The following KCNH1 variants were observed in gnomAD, a reference collection of about 807,000 sequenced individuals.
KCNH1 encodes voltage-gated delayed rectifier potassium channel KCNH1.
In KCNH1, 27 loss-of-function variants were observed where a neutral mutation model predicts 69.2. That is an observed-to-expected ratio of 0.39 (90% confidence interval 0.29 to 0.54). KCNH1 has a LOEUF of 0.54. Ranked by LOEUF, KCNH1 falls within the 20% of genes least tolerant of loss-of-function variation. The probability of loss-of-function intolerance (pLI) is 0.68; values close to 1 mark genes in which losing one functional copy is unlikely to be tolerated. For missense variants in KCNH1, 798 were observed against 1,261.6 expected (o/e 0.63, Z 5.57); for synonymous variants, 456 against 487.7 (o/e 0.93, Z 0.86).
intron 7 of KCNH1, among the ~76,000 whole-genome samples, chr1:210,916,464 G>T (rs991208577): frequency 4.6e-5 from 7 of 152,122 alleles, no homozygotes; most frequent in Admixed American, 3.3e-4. Flanking sequence ...CAAAGAAAAA[G>T]TTTCCACTGC....
intron 10 of KCNH1, among the ~76,000 whole-genome samples, chr1:210,729,876 T>C (rs1682701850): frequency 6.6e-6 from 1 of 152,216 alleles, no homozygotes; most frequent in Admixed American, 6.5e-5. Context: ...GCTGTAGCTT[T>C]TGCCATATCA....
At chr1:210,699,754 T>A (rs1187599690) in intron 10 of KCNH1, among the ~76,000 whole-genome samples, 3 of 152,224 alleles carry the variant, frequency 2.0e-5, no homozygotes, top group Non-Finnish European at 4.4e-5. Flanking sequence ...GAGTAAAGAA[T>A]AATAAAAAGT....
intron 6 of KCNH1, among the ~76,000 whole-genome samples, chr1:211,012,118 TACTC>T (rs1261471978): frequency 6.6e-6 from 1 of 152,142 alleles, no homozygotes; most frequent in African/African-American, 2.4e-5. Context: ...ATAGAAGAAA[TACTC>T]AGCACAAACA....
Position 211,043,168 on chromosome 1 carries a change from G to C in KCNH1, c.559-23912C>G, listed in dbSNP as rs572695494. Among the ~76,000 whole-genome samples, 5 of 152,228 alleles carry C rather than the reference G, an allele frequency of 3.3e-5. No homozygotes were observed. The South Asian group carries it at 1.0e-3, about 32-fold the overall frequency. On this transcript the variant is annotated intron_variant, in intron 5 of 10. Coordinates refer to ENST00000271751, the MANE Select transcript of KCNH1 (RefSeq NM_172362.3). ...AAAAAGATAAATGAAACAAAAAGCT[G>C]TTTCTTTGAAAAGATAAATAAAATG...
At chr1:210,922,207 C>T (rs1388994035) in intron 6 of KCNH1, among the ~76,000 whole-genome samples, 2 of 151,744 alleles carry the variant, frequency 1.3e-5, no homozygotes, top group African/African-American at 2.4e-5. Context: ...TGGTGAAACC[C>T]TGTCTCCACT....
intron 7 of KCNH1, among the ~76,000 whole-genome samples, chr1:210,918,665 C>A (rs928003547): frequency 2.1e-4 from 32 of 152,142 alleles, no homozygotes; most frequent in African/African-American, 7.7e-4. Context: ...TAAAGTTACT[C>A]CAATAACCTA....
intron 7 of KCNH1, among the ~76,000 whole-genome samples, chr1:210,852,159 A>C (rs1276886642): frequency 2.0e-5 from 3 of 152,220 alleles, no homozygotes; most frequent in Non-Finnish European, 4.4e-5. Flanking sequence ...TAAGGGGAGT[A>C]TGTGTGAGGG....
chr1:210,991,720 T>A (rs536828543), intron 6 of KCNH1, among the ~76,000 whole-genome samples: 1 of 152,170 alleles, frequency 6.6e-6, no homozygotes, highest in East Asian at 1.9e-4. Flanking sequence ...GATCAAAATA[T>A]CCCATTGTAC....
chr1:210,930,739 T>G (rs1687665737), intron 6 of KCNH1, among the ~76,000 whole-genome samples: 1 of 151,828 alleles, frequency 6.6e-6, no homozygotes, highest in African/African-American at 2.4e-5. Flanking sequence ...AGCAGCAGAG[T>G]TAATAGACAA....
At chr1:210,742,925 G>A (rs1683068959) in intron 10 of KCNH1, among the ~76,000 whole-genome samples, 1 of 152,086 alleles carries the variant, frequency 6.6e-6, no homozygotes, top group South Asian at 2.1e-4. Context: ...AGACTTCAAA[G>A]CATTATCAAT....
intron 7 of KCNH1, among the ~76,000 whole-genome samples, chr1:210,878,908 A>G (rs1686436545): frequency 6.6e-6 from 1 of 152,066 alleles, no homozygotes; most frequent in Non-Finnish European, 1.5e-5. Flanking sequence ...AAAAGGAGAG[A>G]GAGGACATAA....
At chr1:211,013,432 C>T (rs568210628) in intron 6 of KCNH1, among the ~76,000 whole-genome samples, 1 of 152,148 alleles carries the variant, frequency 6.6e-6, no homozygotes, top group Non-Finnish European at 1.5e-5. Flanking sequence ...CCTCTCACCC[C>T]TCAGCTGTAA....
chr1:210,889,348 T>G (rs1362908972), intron 7 of KCNH1, among the ~76,000 whole-genome samples: 1 of 152,200 alleles, frequency 6.6e-6, no homozygotes, highest in East Asian at 1.9e-4. Flanking sequence ...TCGATAAGAT[T>G]CAACAGACCT....
At chr1:210,837,216 G>A (rs1394483160) in intron 7 of KCNH1, among the ~76,000 whole-genome samples, 1 of 152,080 alleles carries the variant, frequency 6.6e-6, no homozygotes, top group East Asian at 1.9e-4. Flanking sequence ...TTCATTCCTG[G>A]AGACACAGCT....
chr1:210,881,369 A>C (rs1018249209), intron 7 of KCNH1, among the ~76,000 whole-genome samples: 1 of 152,156 alleles, frequency 6.6e-6, no homozygotes, highest in African/African-American at 2.4e-5. Context: ...TAACTACATC[A>C]AATGTGGTAA....
At chr1:211,015,516 C>A (rs12042686) in intron 6 of KCNH1, among the ~76,000 whole-genome samples, 32,920 of 152,020 alleles carry the variant, frequency 0.22, 4,053 homozygotes, top group East Asian at 0.46. Flanking sequence ...TCCCACCCCC[C>A]ACCTTGTTTT....
chr1:210,920,776 A>G (rs959331437), intron 6 of KCNH1, among the ~76,000 whole-genome samples: 3 of 152,230 alleles, frequency 2.0e-5, no homozygotes, highest in African/African-American at 7.2e-5. Flanking sequence ...AAACATTACA[A>G]ATTCTTAGAA....
At chr1:210,881,168 A>G (rs530547413) in intron 7 of KCNH1, among the ~76,000 whole-genome samples, 1 of 152,076 alleles carries the variant, frequency 6.6e-6, no homozygotes, top group South Asian at 2.1e-4. Context: ...ATTCCTGGCT[A>G]ATTTTTGTAT....
At chr1:210,744,359 G>A (rs894523875) in intron 10 of KCNH1, among the ~76,000 whole-genome samples, 2 of 152,182 alleles carry the variant, frequency 1.3e-5, no homozygotes, top group Non-Finnish European at 2.9e-5. Context: ...ATAAAATACA[G>A]GTTGAGCCGG....
Sources: allele counts gnomAD v4.1 joint callset (sites outside exome capture counted in the v4.1 genomes callset), GRCh38; gene constraint gnomAD v4.1.1; transcripts MANE v1.5; gene names NCBI Gene and HGNC (gene_info 2026-07-23, HGNC 2026-07-21).